The following TECRL variants were observed in gnomAD, a reference collection of about 807,000 sequenced individuals.
The protein encoded by TECRL is trans-2,3-enoyl-CoA reductase-like.
TECRL carries 63 observed loss-of-function variants against 52.8 expected under a neutral mutation model. The observed-to-expected ratio is 1.19, with a 90% confidence interval of 0.97 to 1.47. The LOEUF (loss-of-function observed/expected upper bound fraction) is 1.47, where lower values mean the gene tolerates loss of function less well. Ranked by LOEUF, TECRL falls within the 40% of genes most tolerant of loss-of-function variation. The probability of loss-of-function intolerance (pLI) is 0.00; values close to 1 mark genes in which losing one functional copy is unlikely to be tolerated. For synonymous variants in TECRL, 164 were observed against 141.9 expected, an observed-to-expected ratio of 1.16 and a Z score of -1.10; for missense variants, 482 against 429.6, an observed-to-expected ratio of 1.12 and a Z score of -1.08.
At chr4:64,346,603 CA>C (rs934834688) in intron 2 of TECRL, among the ~76,000 whole-genome samples, 2 of 152,242 alleles carry the variant, frequency 1.3e-5, no homozygotes, top group African/African-American at 4.8e-5. Flanking sequence ...AGCTGAGACA[CA>C]AGGCAACAAG....
chr4:64,392,427 C>T (rs753425303), intron 1 of TECRL, among the ~76,000 whole-genome samples: 14 of 152,004 alleles, frequency 9.2e-5, no homozygotes, highest in Non-Finnish European at 1.2e-4. Flanking sequence ...TGCAAAACCC[C>T]TTCTAATCAT....
intron 4 of TECRL, 28 bp downstream of exon 4, chr4:64,322,661 G>T (rs372874753): frequency 2.0e-6 from 3 of 1,478,390 alleles, no homozygotes; most frequent in African/African-American, 1.4e-5. Context: ...TATGAGAAAT[G>T]TATATTACAT....
intron 2 of TECRL, among the ~76,000 whole-genome samples, chr4:64,338,480 T>A (rs1279146602): frequency 6.6e-6 from 1 of 152,018 alleles, no homozygotes; most frequent in Non-Finnish European, 1.5e-5. Context: ...TAAACTACCA[T>A]CAGAGTCAAC....
At chr4:64,404,093 C>G (rs964998864) in intron 1 of TECRL, among the ~76,000 whole-genome samples, 1 of 151,730 alleles carries the variant, frequency 6.6e-6, no homozygotes. Context: ...TGCACTCTTA[C>G]TATCCTGTAA....
At chr4:64,384,142 T>C (rs748523648) in intron 1 of TECRL, among the ~76,000 whole-genome samples, 3 of 152,124 alleles carry the variant, frequency 2.0e-5, no homozygotes, top group Admixed American at 6.5e-5. Context: ...GTGCCAGTCA[T>C]TGGGTGCCCA....
intron 1 of TECRL, among the ~76,000 whole-genome samples, chr4:64,390,037 G>A (rs1577980455): frequency 6.6e-6 from 1 of 151,808 alleles, no homozygotes; most frequent in East Asian, 1.9e-4. Context: ...TCTACCTGAT[G>A]AGTGTATGTT....
At chr4:64,343,185 AAGAC>A (rs1297942516) in intron 2 of TECRL, among the ~76,000 whole-genome samples, 2 of 152,166 alleles carry the variant, frequency 1.3e-5, no homozygotes, top group African/African-American at 4.8e-5. Context: ...ATACATTTCT[AAGAC>A]AGAGCACCTG....
At chr4:64,361,806 T>A (rs897759846) in intron 2 of TECRL, among the ~76,000 whole-genome samples, 2 of 151,922 alleles carry the variant, frequency 1.3e-5, no homozygotes, top group Non-Finnish European at 2.9e-5. Flanking sequence ...AAAGCCAGAG[T>A]AACTTCATAC....
At chr4:64,351,599 T>A (rs185967042) in intron 2 of TECRL, among the ~76,000 whole-genome samples, 3 of 152,248 alleles carry the variant, frequency 2.0e-5, no homozygotes, top group Non-Finnish European at 2.9e-5. Context: ...ATTTTCCCAA[T>A]ATATATTAAT....
At chr4:64,368,137 T>C (rs942673857) in intron 2 of TECRL, among the ~76,000 whole-genome samples, 3 of 152,132 alleles carry the variant, frequency 2.0e-5, no homozygotes, top group Non-Finnish European at 4.4e-5. Context: ...TCCACTTGTG[T>C]ATATAGCTTT....
chr4:64,365,297 G>A (rs1721517617), intron 2 of TECRL, among the ~76,000 whole-genome samples: 2 of 151,754 alleles, frequency 1.3e-5, no homozygotes, highest in Non-Finnish European at 2.9e-5. Flanking sequence ...GTGAAACCTG[G>A]AAGCATTCCA....
At chr4:64,355,389 T>C (rs1225671989) in intron 2 of TECRL, among the ~76,000 whole-genome samples, 2 of 146,088 alleles carry the variant, frequency 1.4e-5, no homozygotes, top group Admixed American at 1.4e-4. Context: ...AATATTTTTC[T>C]ATATTAACTT....
chr4:64,333,631 C>T (rs1177448281), intron 2 of TECRL, among the ~76,000 whole-genome samples: 1 of 152,046 alleles, frequency 6.6e-6, no homozygotes, highest in Non-Finnish European at 1.5e-5. Context: ...GACTTTAAAC[C>T]ATCCTGCAAA....
chr4:64,314,617 G>A, intron 5 of TECRL, 31 bp downstream of exon 5: 2 of 1,093,158 alleles, frequency 1.8e-6, no homozygotes, highest in Non-Finnish European at 2.8e-6. Flanking sequence ...GTGTGTGTGT[G>A]TGTGTGTGTG....
intron 4 of TECRL, among the ~76,000 whole-genome samples, chr4:64,320,712 G>A (rs1025044627): frequency 2.1e-4 from 32 of 152,028 alleles, no homozygotes; most frequent in Admixed American, 5.2e-4. Flanking sequence ...TTCCCTTTTC[G>A]TTGTAAATGT....
At chr4:64,311,426 A>G (rs1716992348) in intron 5 of TECRL, among the ~76,000 whole-genome samples, 1 of 152,214 alleles carries the variant, frequency 6.6e-6, no homozygotes, top group Admixed American at 6.5e-5. Flanking sequence ...CTGCCTTGTG[A>G]GCACACAGGG....
At chr4:64,357,207 G>A (rs1214141324) in intron 2 of TECRL, among the ~76,000 whole-genome samples, 2 of 151,842 alleles carry the variant, frequency 1.3e-5, no homozygotes, top group Non-Finnish European at 2.9e-5. Flanking sequence ...ATTTCAAGAT[G>A]TGAAAAACAG....
At chr4:64,297,005 G>A (rs576826881) in intron 8 of TECRL, among the ~76,000 whole-genome samples, 1 of 151,548 alleles carries the variant, frequency 6.6e-6, no homozygotes, top group South Asian at 2.1e-4. Context: ...CCAAGGGAGA[G>A]GTGATAGACT....
At chr4:64,297,605 AAATGC>A (rs978996534) in intron 8 of TECRL, among the ~76,000 whole-genome samples, 2 of 151,156 alleles carry the variant, frequency 1.3e-5, no homozygotes, top group African/African-American at 4.8e-5. Flanking sequence ...ATATAATTTC[AAATGC>A]ATTGGACTTG....
Sources: allele counts gnomAD v4.1 joint callset (sites outside exome capture counted in the v4.1 genomes callset), GRCh38; gene constraint gnomAD v4.1.1; transcripts MANE v1.5; gene names NCBI Gene and HGNC (gene_info 2026-07-23, HGNC 2026-07-21).